EPS15L1: variants seen among roughly 807,000 people sequenced by gnomAD.
The protein encoded by EPS15L1 is epidermal growth factor receptor substrate 15-like 1.
EPS15L1 carries 43 observed loss-of-function variants against 117.1 expected under a neutral mutation model. The observed-to-expected ratio is 0.37, with a 90% CI of 0.29 to 0.47. The LOEUF (loss-of-function observed/expected upper bound fraction) is 0.47, where lower values mean the gene tolerates loss of function less well. Ranked by LOEUF, EPS15L1 falls within the 20% of genes least tolerant of loss-of-function variation. EPS15L1 has a pLI of 0.99. For synonymous variants in EPS15L1, 459 were observed against 470.5 expected (o/e 0.98, Z 0.32); for missense variants, 981 against 1,164.0 (o/e 0.84, Z 2.29).
Position 16,404,813 on chromosome 19 carries a change from G to T in EPS15L1, c.1267-64C>A. 3.8e-6 allele frequency: 6 copies of T among 1,568,366 alleles called. No individual in the cohort carries two copies. The highest frequency in any genetic ancestry group is 5.2e-6 in the Non-Finnish European group (6 of 1,147,366). On this transcript the variant is annotated intron_variant, in intron 13 of 23. Coordinates refer to ENST00000455140, the MANE Select transcript of EPS15L1 (RefSeq NM_001258374.3). This position sits in a 1 kb window ranked among gnomAD's most constrained non-coding sequence, Gnocchi z 4.2. The stretch of plus-strand genomic sequence containing the variant: ...AAATGAAGCATGTCCAAGATAACGG[G>T]GGGCAGCCTGGGCCAGAAGTCCAGG...
At position 16,355,463 on chromosome 19, in the gene EPS15L1, G is replaced by A. The variant is rs983473992; in HGVS notation, c.*242C>T. ...GGAAGAGCGGGAGGCAGTCAGCCCC[G>A]GGGGGGATGGCACAGTGGAGAGACG... is the stretch of plus-strand genomic sequence containing the variant. On this transcript the variant is annotated 3_prime_UTR_variant, in exon 24 of 24. Transcript: ENST00000455140. 15 of 456,008 alleles carry A rather than the reference G, an allele frequency of 3.3e-5. No homozygotes were observed. Among genetic ancestry groups the A allele is most frequent in the Admixed American group, 1.1e-4 (3 of 27,554 alleles). 28.2% of individuals were successfully genotyped at this position (456,008 alleles called of 1,614,324 possible).
At chr19:16,399,971 T>C (rs1270565242) in intron 16 of EPS15L1, among the ~76,000 whole-genome samples, 3 of 152,194 alleles carry the variant, frequency 2.0e-5, no homozygotes, top group South Asian at 2.1e-4. Flanking sequence ...TCTCCATAAG[T>C]TGATTGGATG....
In EPS15L1 at chr19:16,417,975, C is replaced by A; in HGVS notation, c.1080G>T (p.Pro360=). The part of the protein sequence containing the change: ...PPQVLSPDMV[P]PSERGTPGPD... ...GGCCGGGCGTGCCTCTCTCCGAAGG[C>A]GGGACCATGTCCGGCGAGAGGACTT... The change falls in exon 11 of 24, where the codon CCG becomes CCT. Residue 360 remains proline, a synonymous_variant. Coordinates refer to ENST00000455140, the MANE Select transcript of EPS15L1 (RefSeq NM_001258374.3). 6.2e-7 allele frequency: 1 copy of A among 1,613,950 alleles called. No homozygotes were observed. The highest frequency in any genetic ancestry group is 8.5e-7 in the Non-Finnish European group (1 of 1,179,958).
chr19:16,421,958 T>C (rs2092818253), intron 9 of EPS15L1, among the ~76,000 whole-genome samples: 1 of 152,106 alleles, frequency 6.6e-6, no homozygotes, highest in African/African-American at 2.4e-5. Context: ...AAGACCACCC[T>C]TCTATGTCCC....
At chr19:16,380,870 G>A (rs2092353804) in intron 21 of EPS15L1, among the ~76,000 whole-genome samples, 1 of 152,234 alleles carries the variant, frequency 6.6e-6, no homozygotes, top group South Asian at 2.1e-4. Flanking sequence ...TAGTTACAGA[G>A]ATGCATCGAT....
chr19:16,425,363 G>A (rs1284604607), intron 8 of EPS15L1, 47 bp from the exon 9 acceptor site: 32 of 1,357,126 alleles, frequency 2.4e-5, no homozygotes, highest in Non-Finnish European at 2.9e-5. Context: ...GGCTGGGGCC[G>A]GGACCATCAG....
chr19:16,431,233 T>C (rs1402507690), intron 7 of EPS15L1, among the ~76,000 whole-genome samples: 1 of 137,316 alleles, frequency 7.3e-6, no homozygotes, highest in Non-Finnish European at 1.6e-5. Flanking sequence ...CGAGACTTCA[T>C]CTCAAAAAAA....
chr19:16,360,619 C>T (rs573275632), intron 23 of EPS15L1, among the ~76,000 whole-genome samples: 1 of 151,874 alleles, frequency 6.6e-6, no homozygotes, highest in African/African-American at 2.4e-5. Flanking sequence ...TGGTGTTGCA[C>T]GCCTGTCGTC....
intron 3 of EPS15L1, chr19:16,441,665 C>CAAAA: frequency 3.5e-6 from 1 of 282,760 alleles, no homozygotes; most frequent in Non-Finnish European, 6.6e-6. Context: ...CACAAGCTAT[C>CAAAA]AAGACCCCAA....
intron 1 of EPS15L1, among the ~76,000 whole-genome samples, chr19:16,453,765 G>A (rs896561459): frequency 6.6e-6 from 1 of 151,810 alleles, no homozygotes; most frequent in Non-Finnish European, 1.5e-5. Flanking sequence ...CTACCAGGGT[G>A]ACAGGATCCG....
intron 9 of EPS15L1, 124 bp downstream of exon 9, chr19:16,424,959 C>A: frequency 1.1e-6 from 1 of 920,470 alleles, no homozygotes; most frequent in South Asian, 1.4e-5. Context: ...CCGCACCTGG[C>A]CACAAGCATT....
chr19:16,378,774 G>T (rs1360187855), intron 21 of EPS15L1, among the ~76,000 whole-genome samples: 1 of 152,216 alleles, frequency 6.6e-6, no homozygotes, highest in African/African-American at 2.4e-5. Flanking sequence ...GAGGGAAGGG[G>T]CTGGGGTGTC....
chr19:16,432,535 T>C (rs752688541), intron 7 of EPS15L1, among the ~76,000 whole-genome samples: 26 of 151,994 alleles, frequency 1.7e-4, no homozygotes, highest in Non-Finnish European at 2.5e-4. Flanking sequence ...GCCACTGTAC[T>C]CCAGCCTGGG....
At position 16,434,477 on chromosome 19, in the gene EPS15L1, G is replaced by T. The variant is rs1292732832; in HGVS notation, c.386C>A (p.Ala129Asp). 5 of 1,613,910 alleles carry T rather than the reference G, an allele frequency of 3.1e-6. No homozygotes were observed. Residue 129 changes from alanine to aspartate, a missense_variant, in exon 7 of 24, where the codon GCC becomes GAC. Ala to Asp is a moderately radical substitution (Grantham distance 126). Around this residue, in one of 5 missense-constraint regions of EPS15L1, gnomAD observed 52 missense variants for 53.1 expected, o/e 0.98. Transcript: ENST00000455140. ...AHWAVRVEEKAKFDGIFESLL... is the reference protein window; with the variant it reads ...AHWAVRVEEKDKFDGIFESLL... ...GCTTTCAAAAATCCCATCAAATTTG[G>T]CCTTTTCTTCCACCTAGTTGGAAAG...
chr19:16,459,281 C>T (rs767111665), intron 1 of EPS15L1, among the ~76,000 whole-genome samples: 16 of 152,192 alleles, frequency 1.1e-4, no homozygotes, highest in Non-Finnish European at 2.1e-4. Flanking sequence ...AAATAAGTCC[C>T]TCCTGCCTCC....
chr19:16,453,571 A>G (rs1452686844), intron 1 of EPS15L1, among the ~76,000 whole-genome samples: 1 of 152,048 alleles, frequency 6.6e-6, no homozygotes, highest in Non-Finnish European at 1.5e-5. Flanking sequence ...AAATTAGCCC[A>G]GCGTGGTGGC....
At chr19:16,387,167 C>T (rs879910476) in intron 19 of EPS15L1, among the ~76,000 whole-genome samples, 4 of 152,082 alleles carry the variant, frequency 2.6e-5, no homozygotes, top group Admixed American at 1.3e-4. Context: ...AGAAAATATA[C>T]GAAAGAAACA....
chr19:16,394,077 C>G, intron 17 of EPS15L1, 76 bp from the exon 18 acceptor site: 1 of 1,320,274 alleles, frequency 7.6e-7, no homozygotes, highest in Non-Finnish European at 1.1e-6. Flanking sequence ...CACAGCCACC[C>G]ACCTCCCAAG....
At chr19:16,425,395 T>G in intron 8 of EPS15L1, 79 bp from the exon 9 acceptor site, 1 of 985,482 alleles carries the variant, frequency 1.0e-6, no homozygotes, top group Non-Finnish European at 1.6e-6. Context: ...GGGCAGCCCT[T>G]TGGGGGCTGC....
Sources: allele counts gnomAD v4.1 joint callset (sites outside exome capture counted in the v4.1 genomes callset), GRCh38; gene constraint gnomAD v4.1.1; regional missense constraint gnomAD v4.1.1; non-coding constraint Gnocchi (gnomAD v3.1); transcripts MANE v1.5; gene names NCBI Gene and HGNC (gene_info 2026-07-23, HGNC 2026-07-21).